The following RALYL variants were observed in gnomAD, a reference collection of about 807,000 sequenced individuals.
RALYL encodes RALY RNA binding protein like, also known as RNA-binding Raly-like protein.
A neutral mutation model predicts 35.1 loss-of-function variants in RALYL; 29 were observed. The ratio of observed to expected loss-of-function variants is 0.83; its 90% confidence interval spans 0.61 to 1.13. RALYL has a LOEUF of 1.13. Among genes scored for constraint, RALYL ranks in the 50% most tolerant of loss-of-function variants. RALYL has a pLI of 0.00. For missense variants in RALYL, 359 were observed against 360.4 expected, an observed-to-expected ratio of 1.00 and a Z score of 0.03; for synonymous variants, 120 against 127.6, an observed-to-expected ratio of 0.94 and a Z score of 0.40.
intron 2 of RALYL, among the ~76,000 whole-genome samples, chr8:84,545,029 TC>T (rs2060263185): frequency 6.6e-6 from 1 of 152,076 alleles, no homozygotes. Context: ...AATTCCCACT[TC>T]TAACATCTAT....
At chr8:84,599,557 C>G (rs1383022815) in intron 2 of RALYL, among the ~76,000 whole-genome samples, 1 of 151,894 alleles carries the variant, frequency 6.6e-6, no homozygotes, top group Admixed American at 6.6e-5. Context: ...TTTAAAGAAT[C>G]TAAGGCAATA....
At chr8:84,438,533 C>T (rs2047980869) in intron 1 of RALYL, among the ~76,000 whole-genome samples, 1 of 152,030 alleles carries the variant, frequency 6.6e-6, no homozygotes, top group Non-Finnish European at 1.5e-5. Flanking sequence ...GGACTACAGG[C>T]ATAGGCCATC....
At chr8:84,889,751 G>A (rs1029277033) in intron 8 of RALYL, among the ~76,000 whole-genome samples, 1 of 152,042 alleles carries the variant, frequency 6.6e-6, no homozygotes, top group Non-Finnish European at 1.5e-5. Flanking sequence ...TTTTTTTCTA[G>A]TCATTTTGCA....
At chr8:84,525,395 C>A (rs556862640) in intron 1 of RALYL, among the ~76,000 whole-genome samples, 1 of 151,954 alleles carries the variant, frequency 6.6e-6, no homozygotes, top group Admixed American at 6.6e-5. Flanking sequence ...TTTTCCAATG[C>A]CTGACAGCTC....
chr8:84,576,268 C>A (rs1809404838), intron 2 of RALYL, among the ~76,000 whole-genome samples: 2 of 151,564 alleles, frequency 1.3e-5, no homozygotes, highest in Non-Finnish European at 2.9e-5. Flanking sequence ...TGAATATAAA[C>A]AAAAAAAGCA....
intron 2 of RALYL, among the ~76,000 whole-genome samples, chr8:84,530,249 G>C (rs1041935432): frequency 1.3e-5 from 2 of 151,680 alleles, no homozygotes; most frequent in Admixed American, 1.3e-4. Flanking sequence ...TAATTATTTA[G>C]ATGTTTTTCT....
intron 6 of RALYL, among the ~76,000 whole-genome samples, chr8:84,869,181 T>G (rs1384171157): frequency 6.6e-6 from 1 of 152,088 alleles, no homozygotes; most frequent in Non-Finnish European, 1.5e-5. Context: ...CATGGCACAA[T>G]AAAAAATATA....
intron 3 of RALYL, among the ~76,000 whole-genome samples, chr8:84,778,809 G>A (rs530983828): frequency 6.6e-5 from 10 of 152,264 alleles, no homozygotes; most frequent in Admixed American, 6.5e-4. Flanking sequence ...AGGAGAGAGA[G>A]TCACAAATAT....
chr8:84,213,903 T>G (rs1445540880), intron 1 of RALYL, among the ~76,000 whole-genome samples: 1 of 152,210 alleles, frequency 6.6e-6, no homozygotes, highest in Non-Finnish European at 1.5e-5. Context: ...GAGTGACATT[T>G]CAATGATACA....
At chr8:84,196,686 A>G (rs1323903510) in intron 1 of RALYL, among the ~76,000 whole-genome samples, 1 of 152,162 alleles carries the variant, frequency 6.6e-6, no homozygotes, top group Non-Finnish European at 1.5e-5. Context: ...GGGCTATGTC[A>G]TGTTTTCAAA....
At chr8:84,904,063 A>G (rs1016399361) in intron 8 of RALYL, among the ~76,000 whole-genome samples, 2 of 152,208 alleles carry the variant, frequency 1.3e-5, no homozygotes, top group African/African-American at 4.8e-5. Context: ...CAAATCGCAG[A>G]TTATATTCTA....
chr8:84,891,885 C>T (rs1392900670), intron 8 of RALYL, among the ~76,000 whole-genome samples: 1 of 152,088 alleles, frequency 6.6e-6, no homozygotes, highest in Admixed American at 6.5e-5. Flanking sequence ...ATTTGAACAG[C>T]AAAGATACAA....
intron 1 of RALYL, among the ~76,000 whole-genome samples, chr8:84,458,839 G>C (rs1056161051): frequency 2.0e-5 from 3 of 151,560 alleles, no homozygotes; most frequent in African/African-American, 7.3e-5. Flanking sequence ...ATTGATAAAG[G>C]TTATTTCTAA....
At chr8:84,882,846 C>A (rs938998785) in intron 7 of RALYL, among the ~76,000 whole-genome samples, 1 of 151,852 alleles carries the variant, frequency 6.6e-6, no homozygotes, top group Non-Finnish European at 1.5e-5. Context: ...AAACGTTACT[C>A]ATCTCCAAGA....
intron 1 of RALYL, among the ~76,000 whole-genome samples, chr8:84,206,786 G>A (rs1818163355): frequency 6.6e-6 from 1 of 152,158 alleles, no homozygotes; most frequent in Non-Finnish European, 1.5e-5. Context: ...TCAAAGGAAG[G>A]CACACCAGTG....
At chr8:84,643,891 A>G (rs1431743812) in intron 2 of RALYL, among the ~76,000 whole-genome samples, 1 of 152,032 alleles carries the variant, frequency 6.6e-6, no homozygotes, top group Non-Finnish European at 1.5e-5. Context: ...GTTTCTAGCC[A>G]TGATCCTCCT....
chr8:84,652,098 G>A (rs897515266), intron 2 of RALYL, among the ~76,000 whole-genome samples: 1 of 152,068 alleles, frequency 6.6e-6, no homozygotes, highest in Admixed American at 6.6e-5. Flanking sequence ...GGAATCTCAA[G>A]TGTAAGACAC....
rs1010654369 is a variant in RALYL, at chr8:84,270,570, GT to G, written c.-24+86147del. ...ATGAAATTCGTGTGTGTGTGTGTGT[GT>G]GTGTGTGTGTGTATGTATGTATAAT... On this transcript the variant is annotated intron_variant, in intron 1 of 8. Transcript: ENST00000521268. 2.0e-3 allele frequency among the ~76,000 whole-genome samples: 299 copies of G among 151,934 alleles called. 2 individuals carry two copies. Among genetic ancestry groups the G allele is most frequent in the African/African-American group, 7.0e-3 (291 of 41,422 alleles).
intron 1 of RALYL, among the ~76,000 whole-genome samples, chr8:84,297,069 T>A (rs921803675): frequency 2.6e-5 from 4 of 151,416 alleles, no homozygotes; most frequent in African/African-American, 4.9e-5. Context: ...AAAAAAAAAA[T>A]TTAGGGTCAG....
Sources: allele counts gnomAD v4.1 joint callset (sites outside exome capture counted in the v4.1 genomes callset), GRCh38; gene constraint gnomAD v4.1.1; transcripts MANE v1.5; gene names NCBI Gene and HGNC (gene_info 2026-07-23, HGNC 2026-07-21).